Variants in TUFT1 observed in about 807,000 individuals in gnomAD.
TUFT1 encodes tuftelin.
A neutral mutation model predicts 57.8 loss-of-function variants in TUFT1; 43 were observed. The ratio of observed to expected loss-of-function variants is 0.74; its 90% CI spans 0.58 to 0.96. The LOEUF is 0.96. Among genes scored for constraint, TUFT1 ranks in the 40% least tolerant of loss-of-function variants. The pLI, the probability that TUFT1 is intolerant of heterozygous loss-of-function variation, is 0.00. For missense variants in TUFT1, 459 were observed against 489.0 expected, an observed-to-expected ratio of 0.94 and a Z score of 0.58; for synonymous variants, 166 against 176.7, an observed-to-expected ratio of 0.94 and a Z score of 0.48.
At chr1:151,573,662 T>G (rs1171824176) in intron 7 of TUFT1, among the ~76,000 whole-genome samples, 1 of 152,174 alleles carries the variant, frequency 6.6e-6, no homozygotes, top group Admixed American at 6.5e-5. Context: ...GAGAATCACT[T>G]GAACCCAGGA....
intron 4 of TUFT1, 70 bp downstream of exon 4, chr1:151,564,060 T>C (rs1250969866): frequency 7.8e-7 from 1 of 1,285,280 alleles, no homozygotes; most frequent in Non-Finnish European, 1.1e-6. Flanking sequence ...TGTGACTGTC[T>C]TCTTTTGTGG....
intron 6 of TUFT1, among the ~76,000 whole-genome samples, chr1:151,569,449 T>A (rs1390225372): frequency 1.3e-5 from 2 of 152,200 alleles, no homozygotes; most frequent in African/African-American, 4.8e-5. Context: ...CTAGCAGGGT[T>A]CTTTAGGGTA....
At chr1:151,579,400 A>C (rs1251079813) in intron 10 of TUFT1, among the ~76,000 whole-genome samples, 2 of 152,230 alleles carry the variant, frequency 1.3e-5, no homozygotes, top group Admixed American at 1.3e-4. Context: ...TTCCAAAGCC[A>C]TATGGAATGG....
At chr1:151,578,093 G>A (rs1164570604) in intron 9 of TUFT1, among the ~76,000 whole-genome samples, 2 of 151,544 alleles carry the variant, frequency 1.3e-5, no homozygotes, top group Admixed American at 1.3e-4. Flanking sequence ...TTCCAGTAAC[G>A]AGGAGTTCAT....
At chr1:151,545,394 T>C (rs1389086342) in intron 1 of TUFT1, among the ~76,000 whole-genome samples, 1 of 152,188 alleles carries the variant, frequency 6.6e-6, no homozygotes, top group Admixed American at 6.5e-5. Context: ...TTGCCCAAGC[T>C]CACTTAGGCA....
intron 11 of TUFT1, 126 bp downstream of exon 11, chr1:151,579,858 G>T: frequency 1.1e-6 from 1 of 930,604 alleles, no homozygotes; most frequent in Non-Finnish European, 1.6e-6. Context: ...AATACCTAGG[G>T]TGGTTGGTTG....
rs183781982 is a variant in TUFT1 at position 151,559,939 on chromosome 1, G to A, written c.61-2152G>A. ...CTCCTGAGCAGCTGGGATTACAGGC[G>A]CCCACCACCACGCCTGGCTAATTTT... On this transcript the variant is annotated intron_variant, in intron 1 of 12. Coordinates refer to ENST00000368849, the MANE Select transcript of TUFT1 (RefSeq NM_020127.3). 1.6e-3 allele frequency among the ~76,000 whole-genome samples: 244 copies of A among 151,768 alleles called. 2 individuals are homozygous for A. Among genetic ancestry groups the A allele is most frequent in the Non-Finnish European group, 3.0e-3 (206 of 67,916 alleles).
chr1:151,575,991 A>G (rs1415924334), intron 9 of TUFT1, among the ~76,000 whole-genome samples: 2 of 152,162 alleles, frequency 1.3e-5, no homozygotes, highest in East Asian at 3.8e-4. Context: ...CTCGGTGGGT[A>G]GGTGCGCATG....
intron 1 of TUFT1, among the ~76,000 whole-genome samples, chr1:151,542,880 G>A (rs939405016): frequency 6.6e-6 from 1 of 152,148 alleles, no homozygotes; most frequent in Non-Finnish European, 1.5e-5. Flanking sequence ...AGAATTTATG[G>A]CTCTGGACAA....
chr1:151,541,701 A>G (rs939921714), intron 1 of TUFT1, among the ~76,000 whole-genome samples: 24 of 152,170 alleles, frequency 1.6e-4, no homozygotes, highest in African/African-American at 5.1e-4. Context: ...TTTTTGCCAC[A>G]TTAAAATACA....
At chr1:151,579,373 A>C (rs765026902) in intron 10 of TUFT1, among the ~76,000 whole-genome samples, 2 of 152,236 alleles carry the variant, frequency 1.3e-5, no homozygotes, top group Non-Finnish European at 2.9e-5. Flanking sequence ...GTCTTGAATG[A>C]AAAAATAATT....
At chr1:151,562,250 G>T (rs990044937) in intron 2 of TUFT1, 85 bp downstream of exon 2, 121 of 1,246,464 alleles carry the variant, frequency 9.7e-5, no homozygotes, top group Non-Finnish European at 1.4e-4. Context: ...ACTGCCTGGA[G>T]CCGACTCTGG....
chr1:151,566,308 TTCTCTCTC>T (rs57179871), intron 6 of TUFT1, 80 bp downstream of exon 6: 1 of 908,066 alleles, frequency 1.1e-6, no homozygotes, highest in Non-Finnish European at 1.7e-6. Flanking sequence ...GTTTATTGCT[TTCTCTCTC>T]TCTCTCTCTC....
intron 1 of TUFT1, among the ~76,000 whole-genome samples, chr1:151,551,595 C>A (rs1665511335): frequency 6.6e-6 from 1 of 152,018 alleles, no homozygotes. Context: ...GGAGAGGATA[C>A]CCCGGTCGGA....
intron 1 of TUFT1, among the ~76,000 whole-genome samples, chr1:151,549,879 A>G (rs756023664): frequency 6.6e-6 from 1 of 152,108 alleles, no homozygotes; most frequent in Non-Finnish European, 1.5e-5. Flanking sequence ...GCACCACCAC[A>G]CCAGGCTAAT....
At chr1:151,545,292 A>T (rs1665298704) in intron 1 of TUFT1, among the ~76,000 whole-genome samples, 1 of 152,128 alleles carries the variant, frequency 6.6e-6, no homozygotes, top group Non-Finnish European at 1.5e-5. Context: ...CCTGGGCAAC[A>T]AGAGTGAAAC....
At chr1:151,562,452 A>G in intron 2 of TUFT1, 133 bp from the exon 3 acceptor site, 1 of 815,570 alleles carries the variant, frequency 1.2e-6, no homozygotes, top group Non-Finnish European at 1.9e-6. Flanking sequence ...TGGAGAGGAA[A>G]GTCAGACTAA....
intron 9 of TUFT1, among the ~76,000 whole-genome samples, chr1:151,576,387 C>T (rs1009508745): frequency 6.6e-6 from 1 of 152,092 alleles, no homozygotes; most frequent in African/African-American, 2.4e-5. Flanking sequence ...CAATTGATAC[C>T]AGCTGGGCAC....
At chr1:151,550,627 G>A (rs151041538) in intron 1 of TUFT1, among the ~76,000 whole-genome samples, 1 of 152,082 alleles carries the variant, frequency 6.6e-6, no homozygotes, top group African/African-American at 2.4e-5. Context: ...TTACAGGCGT[G>A]AGCCACCACA....
Sources: allele counts gnomAD v4.1 joint callset (sites outside exome capture counted in the v4.1 genomes callset), GRCh38; gene constraint gnomAD v4.1.1; transcripts MANE v1.5; gene names NCBI Gene and HGNC (gene_info 2026-07-23, HGNC 2026-07-21).